ITPR3: variants seen among roughly 807,000 people sequenced by gnomAD.
The protein encoded by ITPR3 is inositol 1,4,5-trisphosphate receptor type 3.
In ITPR3, 173 loss-of-function variants were observed where a neutral mutation model predicts 293.2. The observed-to-expected ratio is 0.59, with a 90% CI of 0.52 to 0.67. The LOEUF (loss-of-function observed/expected upper bound fraction) is 0.67, where lower values mean the gene tolerates loss of function less well. Ranked by LOEUF, ITPR3 falls within the 30% of genes least tolerant of loss-of-function variation. The probability of loss-of-function intolerance (pLI) is 0.00; values close to 1 mark genes in which losing one functional copy is unlikely to be tolerated. For missense variants in ITPR3, 2,796 were observed against 3,592.1 expected (o/e 0.78, Z 5.66); for synonymous variants, 1,295 against 1,444.4 (o/e 0.90, Z 2.35).
chr6:33,639,580 G>A (rs1763901629), intron 1 of ITPR3, among the ~76,000 whole-genome samples: 1 of 152,144 alleles, frequency 6.6e-6, no homozygotes, highest in Non-Finnish European at 1.5e-5. Flanking sequence ...ACAGGCATGG[G>A]GGTGTTAAGA....
At chr6:33,688,886 C>T (rs1765313132) in intron 49 of ITPR3, 105 bp downstream of exon 49, 3 of 1,448,898 alleles carry the variant, frequency 2.1e-6, no homozygotes, top group Non-Finnish European at 2.9e-6. Flanking sequence ...GCACCAGATG[C>T]AGAGTGTGCA....
intron 3 of ITPR3, among the ~76,000 whole-genome samples, chr6:33,656,797 G>A (rs1419496337): frequency 6.6e-6 from 1 of 152,216 alleles, no homozygotes; most frequent in Non-Finnish European, 1.5e-5. Context: ...TACAAACCTT[G>A]CTTCTCTCTG....
chr6:33,656,992 C>T (rs1764323956), intron 3 of ITPR3, among the ~76,000 whole-genome samples: 1 of 152,196 alleles, frequency 6.6e-6, no homozygotes, highest in Non-Finnish European at 1.5e-5. Context: ...CTGCTGCCAG[C>T]AGGTAGAGGC....
Position 33,684,252 on chromosome 6 carries a change from A to T in ITPR3, c.4937+84A>T. Reference sequence around the variant, plus strand: ...GGCCCGGTGGGGACTAGACAGGCTCACTGGGTCAGAGGGCCTGGGGGTGTT... The same window carrying T: ...GGCCCGGTGGGGACTAGACAGGCTCTCTGGGTCAGAGGGCCTGGGGGTGTT... On this transcript the variant is annotated intron_variant, in intron 36 of 57. Coordinates refer to ENST00000605930, the MANE Select transcript of ITPR3 (RefSeq NM_002224.4). The surrounding 1 kb of genome is among the most constrained non-coding windows in gnomAD (Gnocchi z 4.2). 6.3e-7 allele frequency: 1 copy of T among 1,590,700 alleles called. No individual in the cohort carries two copies. The highest frequency in any genetic ancestry group is 8.6e-7 in the Non-Finnish European group (1 of 1,163,202).
Position 33,655,709 on chromosome 6 carries a change from GA to G in ITPR3, c.161-56del. The G allele has an allele frequency of 6.2e-7, 1 of 1,608,914 alleles. No individual in the cohort carries two copies. The highest frequency in any genetic ancestry group is 8.5e-7 in the Non-Finnish European group (1 of 1,176,582). ...GCTGCAGGCTGGGGTTTTCTCCAGGGAGGGCCCTGAGCCCCAGATGAATCAT... is the reference window on the plus strand; with the variant it reads ...GCTGCAGGCTGGGGTTTTCTCCAGGGGGGCCCTGAGCCCCAGATGAATCAT... On this transcript the variant is annotated intron_variant, in intron 2 of 57. Transcript: ENST00000605930. This position sits in a 1 kb window ranked among gnomAD's most constrained non-coding sequence, Gnocchi z 4.9.
Position 33,621,743 on chromosome 6 carries a change from C to T in ITPR3, c.89+52C>T. 5.0e-6 allele frequency: 7 copies of T among 1,405,148 alleles called. No homozygotes were observed. Among genetic ancestry groups the T allele is most frequent in the Non-Finnish European group, 6.9e-6 (7 of 1,012,500 alleles). The allele number at this position is 1,405,148 out of a possible 1,614,324, so 87.0% of individuals were successfully genotyped here. ...GCGGGTAAAGAGGGGGCGCCGTGGG[C>T]CCTGGTGCCAGCTGCGTGCGTCCAG... On this transcript the variant is annotated intron_variant, in intron 1 of 57. Coordinates refer to ENST00000605930, the MANE Select transcript of ITPR3 (RefSeq NM_002224.4). This position sits in a 1 kb window ranked among gnomAD's most constrained non-coding sequence, Gnocchi z 7.7.
rs760082830 is a variant in ITPR3 at position 33,676,729 on chromosome 6, G to A, written c.3283-39G>A. On this transcript the variant is annotated intron_variant, in intron 25 of 57. Transcript: ENST00000605930. ...GAGGTCTCTAAGTGGCATGGACCTGGAGCCCATCTCACCAGCCAGGCCCAT... is the reference window on the plus strand; with the variant it reads ...GAGGTCTCTAAGTGGCATGGACCTGAAGCCCATCTCACCAGCCAGGCCCAT... The A allele has an allele frequency of 8.7e-6, 14 of 1,610,426 alleles. No homozygotes were observed. The East Asian group carries it at 2.5e-4, about 28-fold the overall frequency.
intron 31 of ITPR3, 86 bp from the exon 32 acceptor site, chr6:33,680,243 G>A (rs964684112): frequency 2.3e-5 from 36 of 1,570,748 alleles, no homozygotes; most frequent in East Asian, 6.8e-5. Context: ...GGCAGGAACC[G>A]GAGGCCAGGG....
intron 13 of ITPR3, 28 bp from the exon 14 acceptor site, chr6:33,665,807 C>T: frequency 1.2e-6 from 2 of 1,611,638 alleles, no homozygotes; most frequent in South Asian, 1.1e-5. Flanking sequence ...GTATCTCACA[C>T]TCGTCATCCC....
Position 33,655,788 on chromosome 6 carries a change from C to T in ITPR3, c.183C>T (p.Pro61=). 6.2e-7 allele frequency: 1 copy of T among 1,614,104 alleles called. No individual in the cohort carries two copies. The highest frequency in any genetic ancestry group is 8.5e-7 in the Non-Finnish European group (1 of 1,180,004). ...CAGACTGCCTCTTCAAGGTGTGCCCCATGAACCGCTACTCGGCCCAGAAGC... is the reference window on the plus strand; with the variant it reads ...CAGACTGCCTCTTCAAGGTGTGCCCTATGAACCGCTACTCGGCCCAGAAGC... ...KFRDCLFKVC[P]MNRYSAQKQY... Residue 61 remains proline (P), a synonymous_variant, in exon 3 of 58, where the codon CCC becomes CCT. Transcript: ENST00000605930. The surrounding 1 kb of genome is among the most constrained non-coding windows in gnomAD (Gnocchi z 4.9).
intron 1 of ITPR3, among the ~76,000 whole-genome samples, chr6:33,623,321 G>T (rs970638620): frequency 1.8e-4 from 21 of 118,286 alleles, no homozygotes; most frequent in Non-Finnish European, 2.5e-4. Flanking sequence ...GTGCCTGTGA[G>T]TTTTGTTTTT....
chr6:33,669,051 C>T lies in ITPR3; in HGVS notation c.2084C>T (p.Thr695Met), dbSNP rs146493384. Reference sequence around the variant, plus strand: ...TACTCAGAAGAGGAAGTGTGGCTCACGTGGACTGACAAGAATAACGAGCAT... The same window carrying T: ...TACTCAGAAGAGGAAGTGTGGCTCATGTGGACTGACAAGAATAACGAGCAT... ...IEYSEEEVWLTWTDKNNEHHE... is the reference protein window; with the variant it reads ...IEYSEEEVWLMWTDKNNEHHE... Residue 695 changes from threonine to methionine, a missense_variant, in exon 18 of 58, where the codon ACG (threonine) becomes ATG (methionine). Thr to Met is a moderately conservative substitution (Grantham distance 81). Around this residue, in one of 8 missense-constraint regions of ITPR3, gnomAD observed 955 missense variants for 1,180.8 expected, o/e 0.81. Transcript: ENST00000605930. 133 of 1,614,048 alleles carry T rather than the reference C, an allele frequency of 8.2e-5. No individual in the cohort carries two copies. The highest frequency in any genetic ancestry group is 1.3e-4 in the African/African-American group (10 of 74,916).
At chr6:33,634,097 G>A (rs1227020070) in intron 1 of ITPR3, among the ~76,000 whole-genome samples, 1 of 152,068 alleles carries the variant, frequency 6.6e-6, no homozygotes, top group Non-Finnish European at 1.5e-5. Context: ...GCTCCCTCCC[G>A]TCCCCTCCTG....
chr6:33,671,196 T>G lies in ITPR3; in HGVS notation c.2618T>G (p.Phe873Cys). The G allele has an allele frequency of 6.2e-7, 1 of 1,613,480 alleles. No individual in the cohort carries two copies. Among genetic ancestry groups the G allele is most frequent in the Non-Finnish European group, 8.5e-7 (1 of 1,179,866 alleles). The change falls in exon 21 of 58, where the codon TTC becomes TGC. Residue 873 changes from phenylalanine (F) to cysteine (C), a missense_variant. By Grantham distance (205) the Phe-to-Cys change is radical. Around this residue, in one of 8 missense-constraint regions of ITPR3, gnomAD observed 955 missense variants for 1,180.8 expected, o/e 0.81. Transcript: ENST00000605930. ...AGCCTGGCGCACAATCTCATCTACTTCGGCTTCTACAGCTTCAGCGAGCTG... is the reference window on the plus strand; with the variant it reads ...AGCCTGGCGCACAATCTCATCTACTGCGGCTTCTACAGCTTCAGCGAGCTG... ...VVSLAHNLIY[F>C]GFYSFSELLR...
chr6:33,628,878 C>A (rs1313416289), intron 1 of ITPR3, among the ~76,000 whole-genome samples: 1 of 152,166 alleles, frequency 6.6e-6, no homozygotes, highest in Non-Finnish European at 1.5e-5. Flanking sequence ...CGCCAGCCAG[C>A]CAGCCATTAG....
rs1764641463 is a variant in ITPR3, at chr6:33,667,471, C to G, written c.1713+181C>G. ...GCCCGGTGCTCACAAGGGCCTTGCACTGGGTTAGATGCTCTGCTGCTGAGC... is the reference window on the plus strand; with the variant it reads ...GCCCGGTGCTCACAAGGGCCTTGCAGTGGGTTAGATGCTCTGCTGCTGAGC... On this transcript the variant is annotated intron_variant, in intron 15 of 57. Transcript: ENST00000605930. This position sits in a 1 kb window ranked among gnomAD's most constrained non-coding sequence, Gnocchi z 4.4. 6.6e-6 allele frequency among the ~76,000 whole-genome samples: 1 copy of G among 152,208 alleles called. No homozygotes were observed. The highest frequency in any genetic ancestry group is 2.4e-5 in the African/African-American group (1 of 41,450).
intron 1 of ITPR3, among the ~76,000 whole-genome samples, chr6:33,640,010 C>G (rs1763911601): frequency 6.6e-6 from 1 of 152,076 alleles, no homozygotes; most frequent in Admixed American, 6.6e-5. Context: ...ATCTGTCTGT[C>G]TTTGGTCTCT....
In ITPR3 at chr6:33,658,256, C is replaced by T. The variant is rs995325847; in HGVS notation, c.369+238C>T. ...AGCATGGTGGCCATCAGCATGGAGT[C>T]TGGAGCCACGTTGTCTGGATTCAAA... On this transcript the variant is annotated intron_variant, in intron 4 of 57. Transcript: ENST00000605930. This position sits in a 1 kb window ranked among gnomAD's most constrained non-coding sequence, Gnocchi z 6.1. Among the ~76,000 whole-genome samples, 1 of 152,138 alleles carries T rather than the reference C, an allele frequency of 6.6e-6. No homozygotes were observed. Among genetic ancestry groups the T allele is most frequent in the Non-Finnish European group, 1.5e-5 (1 of 68,018 alleles).
intron 7 of ITPR3, among the ~76,000 whole-genome samples, chr6:33,662,175 G>A (rs74832484): frequency 0.012 from 1,781 of 152,002 alleles, 39 homozygotes; most frequent in African/African-American, 0.038. Flanking sequence ...GGACACTGAG[G>A]GGGTAAGGTC....
Sources: gnomAD v4.1 joint callset for allele counts (sites outside exome capture counted in the v4.1 genomes callset) on GRCh38, gnomAD v4.1.1 for gene constraint, gnomAD v4.1.1 regional missense constraint, Gnocchi (gnomAD v3.1) non-coding constraint, MANE v1.5 for transcripts, NCBI Gene and HGNC (gene_info 2026-07-23, HGNC 2026-07-21) for gene names.